Variants in CREB1 observed in about 807,000 individuals in gnomAD.
CREB1 encodes the protein cAMP responsive element binding protein 1, also known as cyclic AMP-responsive element-binding protein 1.
A neutral mutation model predicts 42.0 loss-of-function variants in CREB1; 2 were observed. That is an observed-to-expected ratio of 0.05 (90% CI 0.02 to 0.15). CREB1 has a LOEUF of 0.15. Ranked by LOEUF, CREB1 falls within the 10% of genes least tolerant of loss-of-function variation. CREB1 has a pLI of 1.00. For missense variants in CREB1, 199 were observed against 388.9 expected, an observed-to-expected ratio of 0.51 and a Z score of 4.11; for synonymous variants, 123 against 139.9, an observed-to-expected ratio of 0.88 and a Z score of 0.85.
intron 1 of CREB1, among the ~76,000 whole-genome samples, chr2:207,543,055 G>C (rs935240470): frequency 6.6e-6 from 1 of 152,192 alleles, no homozygotes; most frequent in South Asian, 2.1e-4. Context: ...TATATAAAGT[G>C]GTATAGTATT....
At chr2:207,531,425 T>A (rs1474633670) in intron 1 of CREB1, among the ~76,000 whole-genome samples, 1 of 152,256 alleles carries the variant, frequency 6.6e-6, no homozygotes, top group African/African-American at 2.4e-5. Flanking sequence ...CCACAAGCTG[T>A]ATTTTTTCTT....
chr2:207,557,190 TA>T (rs1296102734), intron 2 of CREB1, among the ~76,000 whole-genome samples: 2 of 152,044 alleles, frequency 1.3e-5, no homozygotes, highest in Non-Finnish European at 2.9e-5. Context: ...TGATAGCCCT[TA>T]ACACATCTTA....
intron 7 of CREB1, among the ~76,000 whole-genome samples, chr2:207,594,918 CA>C (rs1389529466): frequency 1.3e-5 from 2 of 151,748 alleles, no homozygotes; most frequent in Non-Finnish European, 2.9e-5. Context: ...TGATAGTAGC[CA>C]TCCTAATGGT....
intron 1 of CREB1, among the ~76,000 whole-genome samples, chr2:207,545,100 A>G (rs1314627063): frequency 7.9e-5 from 12 of 152,350 alleles, no homozygotes; most frequent in Non-Finnish European, 1.5e-4. Context: ...TTGCTGGGTC[A>G]AATGGTATTT....
intron 6 of CREB1, among the ~76,000 whole-genome samples, chr2:207,576,241 C>CTTTTTTTTTTTTTTTTTG (rs2082588982): frequency 3.0e-5 from 3 of 101,076 alleles, no homozygotes; most frequent in Admixed American, 1.1e-4. Flanking sequence ...CTTTTTTTGG[C>CTTTTTTTTTTTTTTTTTG]TTTTTTTTTT....
At chr2:207,543,597 A>G (rs962139644) in intron 1 of CREB1, among the ~76,000 whole-genome samples, 1 of 151,650 alleles carries the variant, frequency 6.6e-6, no homozygotes, top group South Asian at 2.1e-4. Context: ...ATGGTTATTA[A>G]TTTTATTTAT....
chr2:207,557,356 A>G (rs1328595560), intron 2 of CREB1, among the ~76,000 whole-genome samples: 1 of 152,132 alleles, frequency 6.6e-6, no homozygotes, highest in Non-Finnish European at 1.5e-5. Flanking sequence ...TGAGAAAGAA[A>G]GGTTGGCTGA....
At chr2:207,562,478 C>CT (rs1162980646) in intron 3 of CREB1, among the ~76,000 whole-genome samples, 5 of 151,830 alleles carry the variant, frequency 3.3e-5, no homozygotes, top group African/African-American at 7.3e-5. Flanking sequence ...GAAATATTCT[C>CT]TTTTTTTTAT....
At chr2:207,576,000 A>ATTT (rs1419511473) in intron 6 of CREB1, among the ~76,000 whole-genome samples, 3 of 115,060 alleles carry the variant, frequency 2.6e-5, no homozygotes, top group Non-Finnish European at 5.0e-5. Flanking sequence ...TATTATTATT[A>ATTT]TTTTTTTCTA....
In CREB1 at chr2:207,555,845, T is replaced by C. The variant is rs535934309; in HGVS notation, c.114+96T>C. 18 of 695,728 alleles carry C rather than the reference T, an allele frequency of 2.6e-5. No individual in the cohort carries two copies. In the East Asian group the frequency reaches 4.6e-4, roughly 18 times the overall value. The allele number at this position is 695,728 out of a possible 1,614,324, so 43.1% of individuals were successfully genotyped here. ...TGTTATTACATAGATATACATAGAA[T>C]GAGCAGAGATACTCTTACAATATCA... On this transcript the variant is annotated intron_variant, in intron 2 of 7. Coordinates refer to ENST00000353267, the MANE Select transcript of CREB1 (RefSeq NM_004379.5).
At chr2:207,533,297 T>A (rs1245791615) in intron 1 of CREB1, among the ~76,000 whole-genome samples, 1 of 152,166 alleles carries the variant, frequency 6.6e-6, no homozygotes, top group Non-Finnish European at 1.5e-5. Flanking sequence ...TTTCTGAAAC[T>A]CATATTCTTG....
Position 207,581,715 on chromosome 2 carries a change from A to G in CREB1, c.839+4060A>G, listed in dbSNP as rs2082981205. 5.0e-6 allele frequency: 3 copies of G among 602,532 alleles called. No individual in the cohort carries two copies. In the East Asian group the frequency reaches 8.3e-5, roughly 17 times the overall value. 37.3% of individuals were successfully genotyped at this position (602,532 alleles called of 1,614,324 possible). On this transcript the variant is annotated intron_variant, in intron 7 of 7. Transcript: ENST00000353267. The stretch of plus-strand genomic sequence containing the variant: ...TTAGTATATTACATAACCAGGGTAC[A>G]TTTATCAAAAATAAAAGTACATTGG...
intron 7 of CREB1, among the ~76,000 whole-genome samples, chr2:207,591,602 T>G (rs1253123278): frequency 6.6e-6 from 1 of 152,120 alleles, no homozygotes; most frequent in Non-Finnish European, 1.5e-5. Flanking sequence ...CCAGCTAATT[T>G]TTGTATTTTT....
Position 207,586,638 on chromosome 2 carries a change from A to G in CREB1, c.839+8983A>G, listed in dbSNP as rs537366364. On this transcript the variant is annotated intron_variant, in intron 7 of 7. Coordinates refer to ENST00000353267, the MANE Select transcript of CREB1 (RefSeq NM_004379.5). ...AGAGACAACCTGCAGAATGGGAGGAATATTTACAAACTGTTCATCTGACAA... is the reference window on the plus strand; with the variant it reads ...AGAGACAACCTGCAGAATGGGAGGAGTATTTACAAACTGTTCATCTGACAA... Among the ~76,000 whole-genome samples, 7 of 152,334 alleles carry G rather than the reference A, an allele frequency of 4.6e-5. No individual in the cohort carries two copies. In the South Asian group the frequency reaches 1.4e-3, roughly 32 times the overall value.
intron 7 of CREB1, among the ~76,000 whole-genome samples, chr2:207,578,814 G>A (rs2082703492): frequency 6.6e-6 from 1 of 151,592 alleles, no homozygotes; most frequent in African/African-American, 2.4e-5. Context: ...CTCCCGAGAT[G>A]AAGTCTTGCT....
At chr2:207,537,727 C>T (rs1159893286) in intron 1 of CREB1, among the ~76,000 whole-genome samples, 1 of 152,090 alleles carries the variant, frequency 6.6e-6, no homozygotes, top group Non-Finnish European at 1.5e-5. Context: ...ATGTCTGACT[C>T]CCCTTAATAT....
chr2:207,597,101 G>A lies in CREB1; in HGVS notation c.*43G>A, dbSNP rs772562388. 2 of 1,543,246 alleles carry A rather than the reference G, an allele frequency of 1.3e-6. No individual in the cohort carries two copies. Among genetic ancestry groups the A allele is most frequent in the Non-Finnish European group, 1.7e-6 (2 of 1,150,762 alleles). ...CACCTGTTAAGGTGGAAAATGGACT[G>A]GCTTGGCCACAACCTGAAAGACAAA... On this transcript the variant is annotated 3_prime_UTR_variant, in exon 8 of 8. Transcript: ENST00000353267.
chr2:207,599,943 T>C lies in CREB1; in HGVS notation c.*2885T>C, dbSNP rs1166242196. 6 of 193,114 alleles carry C rather than the reference T, an allele frequency of 3.1e-5. No homozygotes were observed. Among genetic ancestry groups the C allele is most frequent in the Admixed American group, 6.1e-5 (1 of 16,386 alleles). 12.0% of individuals were successfully genotyped at this position (193,114 alleles called of 1,614,324 possible). ...TTTGATATTGCTCACTTTGCAAATA[T>C]AGGGCCATGTGGCACTTTTATCTAT... On this transcript the variant is annotated 3_prime_UTR_variant, in exon 8 of 8. Coordinates refer to ENST00000353267, the MANE Select transcript of CREB1 (RefSeq NM_004379.5).
rs528752502 is a variant in CREB1, at chr2:207,546,273, A to G, written c.-8-9355A>G. On this transcript the variant is annotated intron_variant, in intron 1 of 7. Transcript: ENST00000353267. ...GATGGACTTGATGTTGATTCTTTCA[A>G]GATTAAAGATGAAGATGCCCGAACT... is the stretch of plus-strand genomic sequence containing the variant. 1.2e-4 allele frequency among the ~76,000 whole-genome samples: 18 copies of G among 152,348 alleles called. No individual in the cohort carries two copies. The South Asian group carries it at 3.5e-3, about 30-fold the overall frequency.
Sources: allele counts gnomAD v4.1 joint callset (sites outside exome capture counted in the v4.1 genomes callset), GRCh38; gene constraint gnomAD v4.1.1; transcripts MANE v1.5; gene names NCBI Gene and HGNC (gene_info 2026-07-23, HGNC 2026-07-21).